MCF2L: variants seen among roughly 807,000 people sequenced by gnomAD.
The protein encoded by MCF2L is guanine nucleotide exchange factor DBS.
Under a neutral mutation model 153.4 loss-of-function variants are expected in MCF2L, and 97 were observed. The observed-to-expected ratio is 0.63, with a 90% CI of 0.54 to 0.75. MCF2L has a LOEUF of 0.75. Ranked by LOEUF, MCF2L falls within the 30% of genes least tolerant of loss-of-function variation. The pLI is 0.00. For missense variants in MCF2L, 1,347 were observed against 1,495.2 expected (o/e 0.90, Z 1.64); for synonymous variants, 659 against 632.2 (o/e 1.04, Z -0.64).
intron 2 of MCF2L, among the ~76,000 whole-genome samples, chr13:112,955,403 C>A (rs2081745313): frequency 6.6e-6 from 1 of 152,182 alleles, no homozygotes; most frequent in South Asian, 2.1e-4. Context: ...TTCCATGGCC[C>A]ATTTTTGTGT....
intron 1 of MCF2L, among the ~76,000 whole-genome samples, chr13:112,982,472 G>A (rs764508327): frequency 4.6e-5 from 7 of 152,190 alleles, no homozygotes; most frequent in Non-Finnish European, 1.5e-5. Flanking sequence ...GTGGCCGGGG[G>A]CATCTCCCCA....
intron 4 of MCF2L, among the ~76,000 whole-genome samples, chr13:113,049,459 A>G (rs2087063162): frequency 6.6e-6 from 1 of 152,254 alleles, no homozygotes; most frequent in African/African-American, 2.4e-5. Flanking sequence ...TTTTTTGGAA[A>G]TGGTGCAGTT....
At chr13:113,029,651 T>TG (rs568532127) in intron 3 of MCF2L, among the ~76,000 whole-genome samples, 56 of 151,940 alleles carry the variant, frequency 3.7e-4, no homozygotes, top group African/African-American at 1.1e-3. Context: ...CTTCCCAAGG[T>TG]GGGGGCGGGG....
At chr13:113,044,292 CG>C (rs2086670676) in intron 3 of MCF2L, 1 of 316,946 alleles carries the variant, frequency 3.2e-6, no homozygotes, top group Admixed American at 4.1e-5. Flanking sequence ...CATGAACGTT[CG>C]GGGGTCACTG....
At chr13:113,056,867 GTGGGTGCTGAGTGGGTGCTGTGTGTT>G (rs1478714246) in intron 4 of MCF2L, among the ~76,000 whole-genome samples, 2 of 136,358 alleles carry the variant, frequency 1.5e-5, no homozygotes, top group Non-Finnish European at 3.1e-5. Context: ...TCGGCGCTGA[GTGGGTGCTGAGTGGGTGCTGTGTGTT>G]TGGGTGCTGA....
intron 1 of MCF2L, among the ~76,000 whole-genome samples, chr13:112,970,609 A>C (rs1354094009): frequency 6.6e-6 from 1 of 152,102 alleles, no homozygotes; most frequent in East Asian, 1.9e-4. Context: ...CCAGGTTCAC[A>C]GGGAGGCTTC....
chr13:112,961,730 GC>G (rs1327709114), intron 2 of MCF2L, among the ~76,000 whole-genome samples: 1 of 152,204 alleles, frequency 6.6e-6, no homozygotes, highest in Non-Finnish European at 1.5e-5. Flanking sequence ...CCCTCAGTGA[GC>G]CCCTCTGTCC....
At chr13:113,071,579 G>T (rs1303038518) in intron 9 of MCF2L, among the ~76,000 whole-genome samples, 1 of 152,182 alleles carries the variant, frequency 6.6e-6, no homozygotes, top group Non-Finnish European at 1.5e-5. Flanking sequence ...ATCATGATTT[G>T]TTTTACCTCT....
chr13:112,937,328 G>A (rs938101131), intron 2 of MCF2L, among the ~76,000 whole-genome samples: 8 of 152,148 alleles, frequency 5.3e-5, no homozygotes, highest in African/African-American at 1.4e-4. Context: ...GTGCTGGGAT[G>A]ATTACATATA....
chr13:112,954,010 G>A (rs2081727044), intron 2 of MCF2L, among the ~76,000 whole-genome samples: 1 of 152,262 alleles, frequency 6.6e-6, no homozygotes, highest in African/African-American at 2.4e-5. Context: ...GGCATGCTGG[G>A]CTTGGCTTGT....
In MCF2L at chr13:113,074,601, G is replaced by A. The variant is rs751251099; in HGVS notation, c.1116+38G>A. ...CCCGGCGGGGGCGGCGGGAGAGTGT[G>A]GGCAGCATCATCAAGTGCTGCTCAG... On this transcript the variant is annotated intron_variant, in intron 10 of 29. Transcript: ENST00000535094. This position sits in a 1 kb window ranked among gnomAD's most constrained non-coding sequence, Gnocchi z 4.2. 4 of 1,607,140 alleles carry A rather than the reference G, an allele frequency of 2.5e-6. No homozygotes were observed. The Admixed American group carries it at 6.7e-5, about 27-fold the overall frequency.
chr13:113,087,445 C>T lies in MCF2L; in HGVS notation c.2584C>T (p.Gln862Ter). Residue 862 changes from glutamine (Q) to a stop codon, truncating the protein, a stop_gained, in exon 22 of 30, where the codon CAG becomes TAG. Transcript: ENST00000535094. LOFTEE classifies it high-confidence loss of function. ...GAAAGCTCCCTCCTACAGCTACAAG[C>T]AGTCCTTAAACGTAAGTGAGGCCGG... is the stretch of plus-strand genomic sequence containing the variant. ...YEKAPSYSYK[Q>*]SLNMAAVGIT... 1 of 1,608,850 alleles carries T rather than the reference C, an allele frequency of 6.2e-7. No homozygotes were observed. The highest frequency in any genetic ancestry group is 8.5e-7 in the Non-Finnish European group (1 of 1,177,274).
rs180756587 is a variant in MCF2L, at chr13:113,045,020, G to A, written c.279-251G>A. The A allele has an allele frequency of 3.4e-4, 429 of 1,265,908 alleles. No individual in the cohort carries two copies. The African/African-American group carries it at 5.6e-3, about 16-fold the overall frequency. The allele number at this position is 1,265,908 out of a possible 1,614,324, so 78.4% of individuals were successfully genotyped here. A position where few individuals can be genotyped will look rare whatever the true frequency, so the allele number is the denominator to read the frequency against. ...ATGGTTCTGCCTCAATCTGTGACTCGAGGTGGTTGGTGTTAGGCTGAGAAA... is the reference window on the plus strand; with the variant it reads ...ATGGTTCTGCCTCAATCTGTGACTCAAGGTGGTTGGTGTTAGGCTGAGAAA... On this transcript the variant is annotated intron_variant, in intron 3 of 29. Coordinates refer to ENST00000535094, the MANE Select transcript of MCF2L (RefSeq NM_001112732.3). This position sits in a 1 kb window ranked among gnomAD's most constrained non-coding sequence, Gnocchi z 4.2.
intron 2 of MCF2L, chr13:112,956,911 C>T (rs1363198656): frequency 1.3e-5 from 2 of 152,230 alleles, no homozygotes; most frequent in African/African-American, 4.8e-5. Flanking sequence ...CCAAGCCTTA[C>T]TTACAGCCAG....
rs758510469 is a variant in MCF2L at position 113,064,718 on chromosome 13, G to A, written c.607-218G>A. ...GGGGAGAGGCAGCGCAGGCACAGGC[G>A]ACTCTAGGTGACGGGCACACGTGTA... On this transcript the variant is annotated intron_variant, in intron 6 of 29. Transcript: ENST00000535094. The surrounding 1 kb of genome is among the most constrained non-coding windows in gnomAD (Gnocchi z 6.0). 10 of 601,032 alleles carry A rather than the reference G, an allele frequency of 1.7e-5. No individual in the cohort carries two copies. The highest frequency in any genetic ancestry group is 2.8e-5 in the East Asian group (1 of 35,940). 37.2% of individuals were successfully genotyped at this position (601,032 alleles called of 1,614,324 possible). A position where few individuals can be genotyped will look rare whatever the true frequency, so the allele number is the denominator to read the frequency against.
At chr13:113,000,156 G>A (rs900616716) in intron 1 of MCF2L, among the ~76,000 whole-genome samples, 1 of 152,186 alleles carries the variant, frequency 6.6e-6, no homozygotes, top group African/African-American at 2.4e-5. Context: ...GCGTTCTGAC[G>A]GTAGAAGATA....
intron 2 of MCF2L, among the ~76,000 whole-genome samples, chr13:112,952,396 A>G (rs542942828): frequency 1.3e-5 from 2 of 152,284 alleles, no homozygotes; most frequent in Middle Eastern, 3.4e-3. Flanking sequence ...GGGGATCCCA[A>G]TGTGATCGTG....
In MCF2L at chr13:113,087,327, G is replaced by T; in HGVS notation, c.2466G>T (p.Leu822=). The change falls in exon 22 of 30, where the codon CTG becomes CTT. Residue 822 remains leucine (L), a synonymous_variant. Coordinates refer to ENST00000535094, the MANE Select transcript of MCF2L (RefSeq NM_001112732.3). ...HKRGHTKVKE[L]ARFKPMQRHL... ...GGGGCCACACCAAGGTGAAGGAGCT[G>T]GCCAGGTTCAAGCCCATGCAGCGGC... 1 of 1,613,404 alleles carries T rather than the reference G, an allele frequency of 6.2e-7. No individual in the cohort carries two copies. The highest frequency in any genetic ancestry group is 2.2e-5 in the East Asian group (1 of 44,878).
At chr13:113,090,922 G>A (rs2035144187) in intron 26 of MCF2L, 3 of 1,188,466 alleles carry the variant, frequency 2.5e-6, no homozygotes, top group Admixed American at 3.6e-5. Context: ...CCACTCCCAT[G>A]CCCTCCCGGC....
Sources: gnomAD v4.1 joint callset for allele counts (sites outside exome capture counted in the v4.1 genomes callset) on GRCh38, gnomAD v4.1.1 for gene constraint, Gnocchi (gnomAD v3.1) non-coding constraint, MANE v1.5 for transcripts, NCBI Gene and HGNC (gene_info 2026-07-23, HGNC 2026-07-21) for gene names.